The following MAPK8IP3 variants were observed in gnomAD, a reference collection of about 807,000 sequenced individuals.
The protein encoded by MAPK8IP3 is mitogen-activated protein kinase 8 interacting protein 3.
MAPK8IP3 carries 49 observed loss-of-function variants against 157.8 expected under a neutral mutation model. The ratio of observed to expected loss-of-function variants is 0.31; its 90% CI spans 0.25 to 0.39. The LOEUF (loss-of-function observed/expected upper bound fraction) is 0.39. MAPK8IP3 is among the 10% of genes least tolerant of loss of function. MAPK8IP3 has a pLI of 1.00. For synonymous variants in MAPK8IP3, 897 were observed against 777.7 expected (o/e 1.15, Z -2.55); for missense variants, 1,478 against 1,889.4 (o/e 0.78, Z 4.04).
intron 4 of MAPK8IP3, among the ~76,000 whole-genome samples, chr16:1,738,564 G>A (rs2040276916): frequency 7.0e-6 from 1 of 142,608 alleles, no homozygotes. Context: ...GTGAGCGTGT[G>A]AGCATCCGTG....
In MAPK8IP3 at chr16:1,751,777, C is replaced by T. The variant is rs150378473; in HGVS notation, c.1216+3057C>T. ...CCATGCTCTGTCTCTGTAGATTTGC[C>T]TGTTCCAGACGTTTCACAGCAATGG... On this transcript the variant is annotated intron_variant, in intron 8 of 31. Coordinates refer to ENST00000610761, the MANE Select transcript of MAPK8IP3 (RefSeq NM_001318852.2). The surrounding 1 kb of genome is among the most constrained non-coding windows in gnomAD (Gnocchi z 5.0). 1 of 152,244 alleles carries T rather than the reference C, an allele frequency of 6.6e-6. No homozygotes were observed. The highest frequency in any genetic ancestry group is 6.5e-5 in the Admixed American group (1 of 15,276). The allele number at this position is 152,244 out of a possible 1,614,324, so 9.4% of individuals were successfully genotyped here.
At chr16:1,749,620 CT>C (rs1263538909) in intron 8 of MAPK8IP3, among the ~76,000 whole-genome samples, 1 of 152,246 alleles carries the variant, frequency 6.6e-6, no homozygotes, top group Non-Finnish European at 1.5e-5. Flanking sequence ...GGCCATGTGG[CT>C]CTGAGCCCCA....
Position 1,757,073 on chromosome 16 carries a change from TAAC to T in MAPK8IP3, c.1217-1072_1217-1070del, listed in dbSNP as rs561718028. Among the ~76,000 whole-genome samples the T allele has an allele frequency of 4.5e-3, 690 of 152,314 alleles. 2 individuals carry two copies. The highest frequency in any genetic ancestry group is 7.0e-3 in the Non-Finnish European group (475 of 68,024). The stretch of plus-strand genomic sequence containing the variant: ...AATTGCTTTATTATTGGAATTCCGA[TAAC>T]AAACAGCCGTTTTGTCATCTAAATC... On this transcript the variant is annotated intron_variant, in intron 8 of 31. Transcript: ENST00000610761.
chr16:1,760,815 C>T lies in MAPK8IP3; in HGVS notation c.1457+283C>T, dbSNP rs536595306. On this transcript the variant is annotated intron_variant, in intron 12 of 31. Coordinates refer to ENST00000610761, the MANE Select transcript of MAPK8IP3 (RefSeq NM_001318852.2). ...CCTTTGATCAGCCAAGGTTTGGCCA[C>T]GGCCCCCGGAGAGCTGTATGTTGGG... Among the ~76,000 whole-genome samples the T allele has an allele frequency of 4.6e-5, 7 of 152,336 alleles. No individual in the cohort carries two copies. In the South Asian group the frequency reaches 1.0e-3, roughly 23 times the overall value.
chr16:1,735,020 C>T (rs1167622761), intron 4 of MAPK8IP3: 1 of 154,446 alleles, frequency 6.5e-6, no homozygotes, highest in Non-Finnish European at 1.5e-5. Flanking sequence ...CAGGCGCTGT[C>T]TTGAGACATT....
At chr16:1,754,173 CAAA>C (rs11296984) in intron 8 of MAPK8IP3, among the ~76,000 whole-genome samples, 1 of 123,476 alleles carries the variant, frequency 8.1e-6, no homozygotes, top group African/African-American at 2.9e-5. Flanking sequence ...AACTCTGTCT[CAAA>C]AAAAAAAAAA....
chr16:1,746,932 A>G, intron 5 of MAPK8IP3, 97 bp from the exon 6 acceptor site: 2 of 1,433,646 alleles, frequency 1.4e-6, no homozygotes, highest in Non-Finnish European at 1.9e-6. Context: ...GGCAAAGTGC[A>G]AAGCATTGGT....
chr16:1,740,237 C>T (rs1046764342), intron 4 of MAPK8IP3, among the ~76,000 whole-genome samples: 2 of 144,422 alleles, frequency 1.4e-5, no homozygotes, highest in Non-Finnish European at 3.0e-5. Flanking sequence ...TCCGTGTGAG[C>T]ATCTGTGTGA....
Position 1,724,685 on chromosome 16 carries a change from G to C in MAPK8IP3, c.439+8G>C. ...AGAACTATGCCGATCAGAGTAAGTGGCTGGCGGGAGCCTGGAGGCGCGCTT... is the reference window on the plus strand; with the variant it reads ...AGAACTATGCCGATCAGAGTAAGTGCCTGGCGGGAGCCTGGAGGCGCGCTT... On this transcript the variant is annotated splice_region_variant and intron_variant, in intron 2 of 31. Coordinates refer to ENST00000610761, the MANE Select transcript of MAPK8IP3 (RefSeq NM_001318852.2). This position sits in a 1 kb window ranked among gnomAD's most constrained non-coding sequence, Gnocchi z 4.1. The C allele has an allele frequency of 1.2e-6, 2 of 1,608,096 alleles. No homozygotes were observed. The highest frequency in any genetic ancestry group is 4.5e-5 in the East Asian group (2 of 44,744).
intron 6 of MAPK8IP3, 95 bp from the exon 7 acceptor site, chr16:1,748,149 C>T (rs1245197473): frequency 3.3e-6 from 3 of 902,908 alleles, no homozygotes; most frequent in African/African-American, 3.2e-5. Context: ...GGTCCAGCTC[C>T]AGCCCACCAG....
At position 1,766,550 on chromosome 16, in the gene MAPK8IP3, C is replaced by T. The variant is rs1047898801; in HGVS notation, c.2841C>T (p.Asp947=). 1.2e-6 allele frequency: 2 copies of T among 1,612,148 alleles called. No homozygotes were observed. Among genetic ancestry groups the T allele is most frequent in the Non-Finnish European group, 8.5e-7 (1 of 1,179,866 alleles). Residue 947 remains aspartate, a synonymous_variant, in exon 23 of 32, where the codon GAC becomes GAT. Transcript: ENST00000610761. ...GCAGCGAGAACGGGCCAGAGCCTGA[C>T]AGCAGCAGCACACGGCCAGAGCCAG... ...QPGSENGPEP[D]SSSTRPEPEP...
intron 8 of MAPK8IP3, chr16:1,752,041 T>C (rs910568978): frequency 6.6e-6 from 1 of 152,416 alleles, no homozygotes; most frequent in South Asian, 2.1e-4. Context: ...ATGACCAGGA[T>C]TGGCAGCTTC....
rs2038333642 is a variant in MAPK8IP3 at position 1,718,901 on chromosome 16, TGAA to T, written c.319-5655_319-5653del. 5.9e-5 allele frequency among the ~76,000 whole-genome samples: 9 copies of T among 152,268 alleles called. 1 individual carries two copies. In the South Asian group the frequency reaches 1.9e-3, roughly 32 times the overall value. ...AAGTCTAGCCCTAGCATCTTCTCAC[TGAA>T]AACGACTCAACATTAGGGGCTGGGC... On this transcript the variant is annotated intron_variant, in intron 1 of 31. Transcript: ENST00000610761.
intron 1 of MAPK8IP3, among the ~76,000 whole-genome samples, chr16:1,716,931 C>G (rs377017726): frequency 2.0e-5 from 3 of 151,580 alleles, no homozygotes; most frequent in African/African-American, 7.3e-5. Context: ...TGGTGGTGGG[C>G]GCCTGTGATC....
intron 16 of MAPK8IP3, 75 bp from the exon 17 acceptor site, chr16:1,763,582 C>T: frequency 2.0e-5 from 28 of 1,407,238 alleles, no homozygotes; most frequent in Non-Finnish European, 2.5e-5. Flanking sequence ...CCGTGACCTC[C>T]CCCAGGACAA....
chr16:1,723,561 A>C (rs887154166), intron 1 of MAPK8IP3, among the ~76,000 whole-genome samples: 2 of 152,166 alleles, frequency 1.3e-5, no homozygotes, highest in Admixed American at 6.5e-5. Flanking sequence ...TCAAGGCTGC[A>C]GTGAGTTGTG....
intron 4 of MAPK8IP3, 123 bp downstream of exon 4, chr16:1,729,701 G>A: frequency 1.1e-6 from 1 of 909,230 alleles, no homozygotes; most frequent in Admixed American, 2.2e-5. Context: ...GGACGACAGG[G>A]AACACTCTGG....
In MAPK8IP3 at chr16:1,763,781, C is replaced by G; in HGVS notation, c.2023C>G (p.Gln675Glu). ...CGWSLPAKYK[Q>E]LSPNGGQEDT... Reference sequence around the variant, plus strand: ...CTGGAGCCTGCCCGCCAAGTACAAGCAGGTGCGGGCGGGCGCTGCGGGGAC... The same window carrying G: ...CTGGAGCCTGCCCGCCAAGTACAAGGAGGTGCGGGCGGGCGCTGCGGGGAC... The change falls in exon 17 of 32, where the codon CAG becomes GAG. Residue 675 changes from glutamine (Q) to glutamate (E), a missense_variant and splice_region_variant. Gln to Glu is a conservative substitution (Grantham distance 29). Around this residue, in one of 11 missense-constraint regions of MAPK8IP3, gnomAD observed 669 missense variants for 759.8 expected, o/e 0.88. Transcript: ENST00000610761. The G allele has an allele frequency of 6.4e-7, 1 of 1,551,076 alleles. No individual in the cohort carries two copies. Among genetic ancestry groups the G allele is most frequent in the Non-Finnish European group, 8.7e-7 (1 of 1,145,972 alleles).
At chr16:1,719,789 T>A (rs1338520399) in intron 1 of MAPK8IP3, among the ~76,000 whole-genome samples, 1 of 151,610 alleles carries the variant, frequency 6.6e-6, no homozygotes, top group Non-Finnish European at 1.5e-5. Flanking sequence ...AAGGCTGCAG[T>A]GGGTGACAGA....
Sources: gnomAD v4.1 joint callset for allele counts (sites outside exome capture counted in the v4.1 genomes callset) on GRCh38, gnomAD v4.1.1 for gene constraint, gnomAD v4.1.1 regional missense constraint, Gnocchi (gnomAD v3.1) non-coding constraint, MANE v1.5 for transcripts, NCBI Gene and HGNC (gene_info 2026-07-23, HGNC 2026-07-21) for gene names.